JMJD1C: variants seen among roughly 807,000 people sequenced by gnomAD.
JMJD1C encodes jumonji domain-containing protein 1C.
JMJD1C carries 31 observed loss-of-function variants against 245.3 expected under a neutral mutation model. The observed-to-expected ratio is 0.13, with a 90% confidence interval of 0.09 to 0.17. JMJD1C has a LOEUF of 0.17. Among genes scored for constraint, JMJD1C ranks in the 10% least tolerant of loss-of-function variants. The probability of loss-of-function intolerance (pLI) is 1.00; values close to 1 mark genes in which losing one functional copy is unlikely to be tolerated. For synonymous variants in JMJD1C, 1,057 were observed against 1,017.4 expected (o/e 1.04, Z -0.74); for missense variants, 2,691 against 3,000.2 (o/e 0.90, Z 2.41).
intron 3 of JMJD1C, among the ~76,000 whole-genome samples, chr10:63,234,493 T>TAAAAAAAAAAAAAAAAAAA (rs71025129): frequency 1.4e-4 from 5 of 37,030 alleles, no homozygotes; most frequent in South Asian, 2.2e-3. Context: ...AACCTCCTCT[T>TAAAAAAAAAAAAAAAAAAA]AAAAAAAAAA....
intron 1 of JMJD1C, chr10:63,521,338 C>CGGGCGG (rs1176318565): frequency 8.8e-5 from 13 of 146,998 alleles, no homozygotes; most frequent in African/African-American, 2.7e-4. Context: ...GCCGGGCCGG[C>CGGGCGG]GGGCGGGGGC....
intron 2 of JMJD1C, among the ~76,000 whole-genome samples, chr10:63,288,593 T>C (rs1029761866): frequency 5.3e-5 from 8 of 152,132 alleles, no homozygotes; most frequent in African/African-American, 1.9e-4. Context: ...CTCTTATTGT[T>C]GAGTTTTAAG....
intron 2 of JMJD1C, among the ~76,000 whole-genome samples, chr10:63,352,634 TC>T: frequency 1.3e-5 from 1 of 74,238 alleles, no homozygotes; most frequent in South Asian, 5.4e-4. Flanking sequence ...TGAGACTCTG[TC>T]TCAAAAAAAA....
At chr10:63,276,931 C>A (rs1383437195) in intron 2 of JMJD1C, among the ~76,000 whole-genome samples, 6 of 115,772 alleles carry the variant, frequency 5.2e-5, no homozygotes, top group Non-Finnish European at 1.0e-4. Flanking sequence ...GTCGCCCAGG[C>A]TGGAGTGCAG....
chr10:63,292,741 T>C (rs1026009866), intron 2 of JMJD1C, among the ~76,000 whole-genome samples: 4 of 152,144 alleles, frequency 2.6e-5, no homozygotes, highest in African/African-American at 4.8e-5. Flanking sequence ...CCATTCTTAA[T>C]GTCTTCCTTA....
chr10:63,406,650 G>C (rs970930559), intron 1 of JMJD1C, among the ~76,000 whole-genome samples: 5 of 151,422 alleles, frequency 3.3e-5, no homozygotes, highest in African/African-American at 9.7e-5. Context: ...AAGCAAAATA[G>C]TATGGGAAAA....
At chr10:63,270,265 CA>C (rs1856122408) in intron 2 of JMJD1C, among the ~76,000 whole-genome samples, 1 of 152,040 alleles carries the variant, frequency 6.6e-6, no homozygotes, top group Admixed American at 6.5e-5. Flanking sequence ...CTCCTGGGTT[CA>C]AGCGATTCTC....
chr10:63,319,052 A>G (rs1940481679), intron 2 of JMJD1C, among the ~76,000 whole-genome samples: 1 of 152,068 alleles, frequency 6.6e-6, no homozygotes, highest in Non-Finnish European at 1.5e-5. Flanking sequence ...CAAGGCCAGG[A>G]GATCGACACC....
At chr10:63,216,048 G>C (rs1465009503) in intron 5 of JMJD1C, among the ~76,000 whole-genome samples, 1 of 152,116 alleles carries the variant, frequency 6.6e-6, no homozygotes, top group South Asian at 2.1e-4. Context: ...ATAAAACTCA[G>C]AGGTAGACTT....
At chr10:63,309,873 C>T (rs754821826) in intron 2 of JMJD1C, among the ~76,000 whole-genome samples, 15 of 152,094 alleles carry the variant, frequency 9.9e-5, no homozygotes, top group South Asian at 6.2e-4. Flanking sequence ...GCCAAGATCG[C>T]GCCATTGCAC....
intron 2 of JMJD1C, among the ~76,000 whole-genome samples, chr10:63,350,804 A>G (rs1944289056): frequency 6.6e-6 from 1 of 151,636 alleles, no homozygotes. Context: ...TTTGTTTAGT[A>G]GAGACGGGGT....
chr10:63,401,557 C>T (rs549883310), intron 1 of JMJD1C, among the ~76,000 whole-genome samples: 19 of 152,228 alleles, frequency 1.2e-4, no homozygotes, highest in African/African-American at 4.3e-4. Flanking sequence ...AGAATATACC[C>T]TTGTATTAAT....
intron 3 of JMJD1C, among the ~76,000 whole-genome samples, chr10:63,250,660 T>C (rs779924120): frequency 2.0e-5 from 3 of 152,328 alleles, no homozygotes; most frequent in East Asian, 3.9e-4. Context: ...CTTAATGACC[T>C]TGAAAAACGA....
chr10:63,215,213 A>G, intron 7 of JMJD1C, 50 bp downstream of exon 7: 1 of 1,535,686 alleles, frequency 6.5e-7, no homozygotes. Context: ...TTTAAAATGT[A>G]TTTTTGTTTT....
At chr10:63,385,764 T>TA (rs1412017121) in intron 1 of JMJD1C, among the ~76,000 whole-genome samples, 1 of 152,064 alleles carries the variant, frequency 6.6e-6, no homozygotes, top group African/African-American at 2.4e-5. Flanking sequence ...CAAATTTATT[T>TA]AAAAACATTC....
chr10:63,439,226 A>C (rs1024704795), intron 1 of JMJD1C, among the ~76,000 whole-genome samples: 1 of 152,218 alleles, frequency 6.6e-6, no homozygotes, highest in African/African-American at 2.4e-5. Context: ...CTATCATTTT[A>C]TAAAGCTGTA....
intron 2 of JMJD1C, among the ~76,000 whole-genome samples, chr10:63,336,081 AC>A (rs1283311878): frequency 3.9e-5 from 6 of 152,130 alleles, no homozygotes; most frequent in African/African-American, 1.4e-4. Flanking sequence ...AGATCGCACC[AC>A]TGCACTCCAG....
At chr10:63,280,801 C>G (rs1857291064) in intron 2 of JMJD1C, among the ~76,000 whole-genome samples, 1 of 152,100 alleles carries the variant, frequency 6.6e-6, no homozygotes, top group Non-Finnish European at 1.5e-5. Flanking sequence ...CTGAATGTTT[C>G]ATGTATTATT....
chr10:63,241,867 C>T (rs1303403099), intron 3 of JMJD1C, among the ~76,000 whole-genome samples: 1 of 152,138 alleles, frequency 6.6e-6, no homozygotes, highest in East Asian at 1.9e-4. Flanking sequence ...TGAGATGTAG[C>T]AGGTATCTAA....
Sources: allele counts gnomAD v4.1 joint callset (sites outside exome capture counted in the v4.1 genomes callset), GRCh38; gene constraint gnomAD v4.1.1; transcripts MANE v1.5; gene names NCBI Gene and HGNC (gene_info 2026-07-23, HGNC 2026-07-21).